The following DSCAM variants were observed in gnomAD, a reference collection of about 807,000 sequenced individuals.
The protein encoded by DSCAM is DS cell adhesion molecule, also known as cell adhesion molecule DSCAM.
A neutral mutation model predicts 217.7 loss-of-function variants in DSCAM; 47 were observed. The ratio of observed to expected loss-of-function variants is 0.22; its 90% confidence interval spans 0.17 to 0.28. The LOEUF is 0.28. Ranked by LOEUF, DSCAM falls within the 10% of genes least tolerant of loss-of-function variation. DSCAM has a pLI of 1.00. For synonymous variants in DSCAM, 1,056 were observed against 1,015.3 expected (o/e 1.04, Z -0.76); for missense variants, 2,080 against 2,618.3 (o/e 0.79, Z 4.49).
At chr21:40,744,237 C>A (rs1403011664) in intron 1 of DSCAM, among the ~76,000 whole-genome samples, 1 of 152,052 alleles carries the variant, frequency 6.6e-6, no homozygotes, top group Non-Finnish European at 1.5e-5. Flanking sequence ...GGCTGAACTA[C>A]CTGGGGTGAA....
intron 11 of DSCAM, among the ~76,000 whole-genome samples, chr21:40,223,972 T>G (rs367244): frequency 0.53 from 81,030 of 152,086 alleles, 23,171 homozygotes; most frequent in African/African-American, 0.75. Context: ...GGAATGCACT[T>G]GCATTTCCTA....
chr21:40,426,890 C>A (rs1458500832), intron 3 of DSCAM, among the ~76,000 whole-genome samples: 1 of 152,070 alleles, frequency 6.6e-6, no homozygotes, highest in African/African-American at 2.4e-5. Context: ...GCTCTTTCTT[C>A]ATTGGTACTT....
intron 3 of DSCAM, among the ~76,000 whole-genome samples, chr21:40,582,601 A>G (rs1283203838): frequency 3.3e-5 from 5 of 152,226 alleles, no homozygotes; most frequent in African/African-American, 4.8e-5. Context: ...AATTAGAGAC[A>G]TAAACACACA....
intron 1 of DSCAM, among the ~76,000 whole-genome samples, chr21:40,713,716 C>T (rs1211910900): frequency 6.6e-6 from 1 of 152,180 alleles, no homozygotes; most frequent in East Asian, 1.9e-4. Context: ...TGAGCTCATG[C>T]ATTTTAGCAC....
At position 40,144,664 on chromosome 21, in the gene DSCAM, G is replaced by A; in HGVS notation, c.3086C>T (p.Thr1029Ile). Residue 1029 changes from threonine to isoleucine, a missense_variant, in exon 17 of 33, where the codon ACT (threonine) becomes ATT (isoleucine). By Grantham distance (89) the Thr-to-Ile change is moderately conservative. This residue lies in a region of DSCAM where 1,144 missense variants were observed against 1,421.1 expected (regional missense o/e 0.81). Transcript: ENST00000400454. This position sits in a 1 kb window ranked among gnomAD's most constrained non-coding sequence, Gnocchi z 4.8. ...GYQIGYREYS[T>I]GGNFQFNIIS... is the part of the protein sequence containing the mutation. ...AATGTTGAATTGGAAGTTACCCCCA[G>A]TGCTGTACTCTCGGTAACCTATTTG... The A allele has an allele frequency of 1.9e-6, 3 of 1,614,198 alleles. No individual in the cohort carries two copies. Among genetic ancestry groups the A allele is most frequent in the Non-Finnish European group, 2.5e-6 (3 of 1,180,046 alleles).
chr21:40,369,386 G>T, intron 3 of DSCAM, 141 bp from the exon 4 acceptor site: 1 of 133,678 alleles, frequency 7.5e-6, no homozygotes, highest in Non-Finnish European at 1.3e-5. Context: ...GTGCGTCTGC[G>T]TGTGTGTGTG....
intron 21 of DSCAM, among the ~76,000 whole-genome samples, chr21:40,087,863 G>A (rs2089552783): frequency 6.6e-6 from 1 of 152,184 alleles, no homozygotes; most frequent in Admixed American, 6.5e-5. Context: ...TGCCCAAACA[G>A]GAGCATCTGC....
At chr21:40,616,033 C>T (rs577243580) in intron 3 of DSCAM, among the ~76,000 whole-genome samples, 1 of 151,392 alleles carries the variant, frequency 6.6e-6, no homozygotes, top group African/African-American at 2.4e-5. Flanking sequence ...ATGCAAACAA[C>T]ACAAGAGGCC....
chr21:40,369,519 C>A (rs988081149), intron 3 of DSCAM, among the ~76,000 whole-genome samples: 1 of 151,626 alleles, frequency 6.6e-6, no homozygotes, highest in African/African-American at 2.4e-5. Flanking sequence ...GCAAATCTAA[C>A]CTCATAAACT....
intron 32 of DSCAM, among the ~76,000 whole-genome samples, chr21:40,040,053 G>A (rs780076152): frequency 6.6e-6 from 1 of 152,170 alleles, no homozygotes; most frequent in Non-Finnish European, 1.5e-5. Context: ...CTTGTATTTT[G>A]TGCCCAATGT....
intron 3 of DSCAM, among the ~76,000 whole-genome samples, chr21:40,524,490 CTT>C (rs1331402751): frequency 6.6e-6 from 1 of 152,042 alleles, no homozygotes; most frequent in Non-Finnish European, 1.5e-5. Flanking sequence ...TATATAAACA[CTT>C]TACATAGAGT....
At chr21:40,207,935 T>G (rs2091144114) in intron 11 of DSCAM, among the ~76,000 whole-genome samples, 1 of 152,206 alleles carries the variant, frequency 6.6e-6, no homozygotes, top group Non-Finnish European at 1.5e-5. Context: ...TCAGATTAGA[T>G]GAGAACTACC....
intron 11 of DSCAM, among the ~76,000 whole-genome samples, chr21:40,264,230 A>G (rs1162024342): frequency 6.6e-6 from 1 of 152,200 alleles, no homozygotes; most frequent in Non-Finnish European, 1.5e-5. Flanking sequence ...TACCAAAGCC[A>G]GGAGAGGACA....
chr21:40,658,160 G>A (rs1284402115), intron 3 of DSCAM, among the ~76,000 whole-genome samples: 1 of 152,170 alleles, frequency 6.6e-6, no homozygotes, highest in Non-Finnish European at 1.5e-5. Context: ...GAGATTTTAA[G>A]ATGAAGCAGC....
chr21:40,310,909 T>C (rs978083435), intron 9 of DSCAM, among the ~76,000 whole-genome samples: 1 of 152,248 alleles, frequency 6.6e-6, no homozygotes, highest in African/African-American at 2.4e-5. Context: ...TTGTGTCTAA[T>C]TGAATATATA....
At chr21:40,537,673 A>G (rs1345085034) in intron 3 of DSCAM, among the ~76,000 whole-genome samples, 1 of 152,194 alleles carries the variant, frequency 6.6e-6, no homozygotes, top group African/African-American at 2.4e-5. Flanking sequence ...ACAGACACAC[A>G]GAGAGAATGC....
intron 3 of DSCAM, among the ~76,000 whole-genome samples, chr21:40,611,661 T>C (rs1032857123): frequency 6.6e-6 from 1 of 152,168 alleles, no homozygotes; most frequent in Non-Finnish European, 1.5e-5. Flanking sequence ...TTTCCTAAGG[T>C]TGGCTAATGT....
intron 3 of DSCAM, among the ~76,000 whole-genome samples, chr21:40,424,340 G>A (rs545664260): frequency 6.6e-6 from 1 of 152,228 alleles, no homozygotes; most frequent in African/African-American, 2.4e-5. Context: ...AATATAAGTG[G>A]TGTCCTTATA....
chr21:40,338,054 T>C (rs2074446644), intron 8 of DSCAM, 47 bp downstream of exon 8: 2 of 1,595,346 alleles, frequency 1.3e-6, no homozygotes, highest in Non-Finnish European at 1.7e-6. Context: ...TGGGAAGTAG[T>C]CGGGCTATGG....
Sources: gnomAD v4.1 joint callset for allele counts (sites outside exome capture counted in the v4.1 genomes callset) on GRCh38, gnomAD v4.1.1 for gene constraint, gnomAD v4.1.1 regional missense constraint, Gnocchi (gnomAD v3.1) non-coding constraint, MANE v1.5 for transcripts, NCBI Gene and HGNC (gene_info 2026-07-23, HGNC 2026-07-21) for gene names.